FOXP1: variants seen among roughly 807,000 people sequenced by gnomAD.
FOXP1 encodes forkhead box protein P1.
In FOXP1, 15 loss-of-function variants were observed where a neutral mutation model predicts 98.2. The observed-to-expected ratio is 0.15, with a 90% CI of 0.10 to 0.24. The LOEUF (loss-of-function observed/expected upper bound fraction) is 0.24. FOXP1 is among the 10% of genes least tolerant of loss of function. The pLI is 1.00. For synonymous variants in FOXP1, 371 were observed against 314.5 expected (o/e 1.18, Z -1.90); for missense variants, 633 against 848.5 (o/e 0.75, Z 3.15).
intron 4 of FOXP1, among the ~76,000 whole-genome samples, chr3:71,342,678 G>C (rs531884244): frequency 7.6e-6 from 1 of 131,804 alleles, no homozygotes; most frequent in East Asian, 2.6e-4. Context: ...GGGTGACAGA[G>C]ACTCCGTCTA....
intron 3 of FOXP1, among the ~76,000 whole-genome samples, chr3:71,450,670 A>C (rs1270825189): frequency 6.6e-6 from 1 of 152,250 alleles, no homozygotes; most frequent in East Asian, 1.9e-4. Flanking sequence ...GCATAGGACA[A>C]GCTCCTGTCT....
intron 6 of FOXP1, among the ~76,000 whole-genome samples, chr3:71,129,743 C>A (rs1193611206): frequency 6.6e-6 from 1 of 152,116 alleles, no homozygotes; most frequent in Non-Finnish European, 1.5e-5. Flanking sequence ...TTTAAAAAGT[C>A]ATTTCAACAG....
intron 5 of FOXP1, among the ~76,000 whole-genome samples, chr3:71,244,184 C>T (rs1457951157): frequency 2.0e-5 from 3 of 152,174 alleles, no homozygotes; most frequent in Non-Finnish European, 4.4e-5. Context: ...ATCAGTGTTA[C>T]ACCAGTGTGG....
intron 5 of FOXP1, among the ~76,000 whole-genome samples, chr3:71,238,520 A>C (rs182186876): frequency 6.6e-6 from 1 of 152,316 alleles, no homozygotes; most frequent in Non-Finnish European, 1.5e-5. Context: ...TCCTGAAGGA[A>C]TACTTGTCTT....
chr3:71,160,816 C>T (rs961252046), intron 6 of FOXP1, among the ~76,000 whole-genome samples: 1 of 152,078 alleles, frequency 6.6e-6, no homozygotes, highest in African/African-American at 2.4e-5. Context: ...AATGTAGAAA[C>T]GAAGGCCTCC....
At chr3:71,558,852 G>T (rs1354525898) in intron 2 of FOXP1, among the ~76,000 whole-genome samples, 1 of 146,490 alleles carries the variant, frequency 6.8e-6, no homozygotes, top group Non-Finnish European at 1.5e-5. Context: ...GCCCAGGCTG[G>T]AGTGCACTGG....
intron 5 of FOXP1, among the ~76,000 whole-genome samples, chr3:71,263,853 T>A (rs2069391414): frequency 6.6e-6 from 1 of 151,714 alleles, no homozygotes; most frequent in African/African-American, 2.4e-5. Flanking sequence ...CAAATGATCC[T>A]CTTGACTCAG....
chr3:71,550,735 C>A (rs548047605), intron 2 of FOXP1, among the ~76,000 whole-genome samples: 31 of 152,270 alleles, frequency 2.0e-4, no homozygotes, highest in African/African-American at 5.5e-4. Context: ...TAAGATCAGT[C>A]CATTAGACAC....
intron 7 of FOXP1, among the ~76,000 whole-genome samples, chr3:71,073,266 T>G (rs1488001542): frequency 6.6e-6 from 1 of 152,226 alleles, no homozygotes; most frequent in Non-Finnish European, 1.5e-5. Flanking sequence ...ACACCCTTTT[T>G]CATCCGTTCA....
intron 3 of FOXP1, among the ~76,000 whole-genome samples, chr3:71,445,263 T>C: frequency 6.6e-6 from 1 of 152,144 alleles, no homozygotes; most frequent in Admixed American, 6.5e-5. Flanking sequence ...TTTGCCTAAA[T>C]CAGGGCTGCT....
intron 5 of FOXP1, among the ~76,000 whole-genome samples, chr3:71,203,164 C>A (rs2063779725): frequency 1.3e-5 from 2 of 152,220 alleles, no homozygotes; most frequent in South Asian, 4.1e-4. Flanking sequence ...TGTGTGGCAT[C>A]TCCAGATGAA....
chr3:71,369,544 AC>A (rs2079150875), intron 3 of FOXP1, among the ~76,000 whole-genome samples: 1 of 152,078 alleles, frequency 6.6e-6, no homozygotes, highest in African/African-American at 2.4e-5. Context: ...ATAGGCATGC[AC>A]CACCATGCCC....
rs757405755 is a variant in FOXP1 at position 71,237,231 on chromosome 3, G to GAAAAAAA, written c.-11-38846_-11-38840dup. On this transcript the variant is annotated intron_variant, in intron 5 of 20. Transcript: ENST00000649528. ...TGGGCGACAGAGCAAGACTCCATCT[G>GAAAAAAA]AAAAAAAAAAAAAAAAAAAAAAAAA... 2.0e-3 allele frequency among the ~76,000 whole-genome samples: 57 copies of GAAAAAAA among 28,288 alleles called. 16 individuals carry two copies. Among genetic ancestry groups the GAAAAAAA allele is most frequent in the Non-Finnish European group, 2.4e-3 (41 of 17,170 alleles). 18.6% of individuals were successfully genotyped at this position (28,288 alleles called of 152,430 possible). A position where few individuals can be genotyped will look rare whatever the true frequency, so the allele number is the denominator to read the frequency against.
chr3:71,078,001 T>C (rs1004300219), intron 7 of FOXP1, among the ~76,000 whole-genome samples: 1 of 152,126 alleles, frequency 6.6e-6, no homozygotes, highest in Admixed American at 6.5e-5. Context: ...CTTGGCTAAT[T>C]TTGTATTTTT....
chr3:71,419,495 T>C (rs1187928759), intron 3 of FOXP1, among the ~76,000 whole-genome samples: 1 of 151,838 alleles, frequency 6.6e-6, no homozygotes, highest in Non-Finnish European at 1.5e-5. Context: ...AAAACTGTGC[T>C]GGTCTGACTC....
chr3:71,489,193 CT>C (rs1213264278), intron 3 of FOXP1, among the ~76,000 whole-genome samples: 1 of 152,204 alleles, frequency 6.6e-6, no homozygotes, highest in Non-Finnish European at 1.5e-5. Flanking sequence ...AAAAGTAGCC[CT>C]TCACCAAGTC....
rs1383155725 is a variant in FOXP1 at position 71,198,272 on chromosome 3, G to C, written c.110C>G (p.Ser37Cys). ...GTCCACGGCCGGCGTCTCTCCGTTG[G>C]ACCGCCCCTCCCGAAGACCGCCGCA... ...LECGGLREGR[S>C]NGETPAVDIG... Residue 37 changes from serine (S) to cysteine (C), a missense_variant, in exon 6 of 21, where the codon TCC becomes TGC. Physicochemically the swap from Ser to Cys is moderately radical, Grantham distance 112. Transcript: ENST00000649528. 3.7e-6 allele frequency: 6 copies of C among 1,614,026 alleles called. No individual in the cohort carries two copies. The East Asian group carries it at 1.3e-4, about 36-fold the overall frequency.
At chr3:71,042,646 G>A (rs1450365509) in intron 10 of FOXP1, among the ~76,000 whole-genome samples, 1 of 152,160 alleles carries the variant, frequency 6.6e-6, no homozygotes, top group Non-Finnish European at 1.5e-5. Context: ...TCAATCAAGT[G>A]TAACACAGCC....
At chr3:70,967,639 CTTTTTGTTT>C (rs1442484639) in intron 19 of FOXP1, among the ~76,000 whole-genome samples, 1 of 81,514 alleles carries the variant, frequency 1.2e-5, no homozygotes, top group African/African-American at 4.9e-5. Flanking sequence ...TTCTTTCTTT[CTTTTTGTTT>C]TTTTTTTGGC....
Sources: allele counts gnomAD v4.1 joint callset (sites outside exome capture counted in the v4.1 genomes callset), GRCh38; gene constraint gnomAD v4.1.1; transcripts MANE v1.5; gene names NCBI Gene and HGNC (gene_info 2026-07-23, HGNC 2026-07-21).